ADAM22: variants seen among roughly 807,000 people sequenced by gnomAD.
ADAM22 encodes the protein ADAM metallopeptidase domain 22.
Under a neutral mutation model 144.6 loss-of-function variants are expected in ADAM22, and 65 were observed. That is an observed-to-expected ratio of 0.45 (90% CI 0.37 to 0.55). The LOEUF is 0.55. Among genes scored for constraint, ADAM22 ranks in the 20% least tolerant of loss-of-function variants. The pLI, the probability that ADAM22 is intolerant of heterozygous loss-of-function variation, is 0.00. For missense variants in ADAM22, 974 were observed against 1,184.9 expected, an observed-to-expected ratio of 0.82 and a Z score of 2.61; for synonymous variants, 391 against 412.6, an observed-to-expected ratio of 0.95 and a Z score of 0.63.
chr7:88,007,935 A>G (rs543059280), intron 3 of ADAM22, among the ~76,000 whole-genome samples: 2 of 152,348 alleles, frequency 1.3e-5, no homozygotes, highest in South Asian at 4.1e-4. Flanking sequence ...TGCACAGCAA[A>G]AGAAACTATC....
At chr7:88,130,588 C>T in intron 10 of ADAM22, 129 bp downstream of exon 10, 1 of 807,994 alleles carries the variant, frequency 1.2e-6, no homozygotes, top group Non-Finnish European at 1.9e-6. Context: ...CTAGTAAGTT[C>T]CGGGTGACCT....
chr7:88,196,588 G>T lies in ADAM22; in HGVS notation c.*97G>T. On this transcript the variant is annotated 3_prime_UTR_variant, in exon 32 of 32. Coordinates refer to ENST00000413139, the MANE Select transcript of ADAM22 (RefSeq NM_001324418.2). ...TCACTGCAAATCTATCTGCTCTTCA[G>T]ACAATACGAAGACCCTCTGAGATGC... 1 of 1,349,692 alleles carries T rather than the reference G, an allele frequency of 7.4e-7. No individual in the cohort carries two copies. The allele number at this position is 1,349,692 out of a possible 1,614,324, so 83.6% of individuals were successfully genotyped here.
intron 4 of ADAM22, among the ~76,000 whole-genome samples, chr7:88,079,274 T>C (rs1815714372): frequency 6.6e-6 from 1 of 152,080 alleles, no homozygotes; most frequent in South Asian, 2.1e-4. Flanking sequence ...AGAAATAAAA[T>C]ACTTTATAGA....
chr7:88,015,119 G>T (rs1360370972), intron 3 of ADAM22, among the ~76,000 whole-genome samples: 4 of 152,208 alleles, frequency 2.6e-5, no homozygotes, highest in Non-Finnish European at 5.9e-5. Flanking sequence ...AAAAGAAATG[G>T]ATTGTGGATA....
chr7:88,128,371 T>A (rs1424847976), intron 8 of ADAM22, among the ~76,000 whole-genome samples: 1 of 151,982 alleles, frequency 6.6e-6, no homozygotes, highest in Non-Finnish European at 1.5e-5. Flanking sequence ...AGGTGGAGAA[T>A]AGAGGTGAGA....
intron 4 of ADAM22, among the ~76,000 whole-genome samples, chr7:88,084,787 A>G (rs1817957730): frequency 6.6e-6 from 1 of 152,222 alleles, no homozygotes; most frequent in African/African-American, 2.4e-5. Context: ...TGCTAAAGCT[A>G]CCATAACAAA....
intron 4 of ADAM22, among the ~76,000 whole-genome samples, chr7:88,094,791 C>T (rs1346263628): frequency 6.6e-6 from 1 of 152,072 alleles, no homozygotes; most frequent in Non-Finnish European, 1.5e-5. Flanking sequence ...AAATAAACTT[C>T]TTGAATTGTG....
At chr7:87,965,644 A>AGCT (rs1417666451) in intron 2 of ADAM22, among the ~76,000 whole-genome samples, 1 of 152,200 alleles carries the variant, frequency 6.6e-6, no homozygotes, top group African/African-American at 2.4e-5. Context: ...CCCTTTAGTA[A>AGCT]AAGTGAGCCT....
intron 4 of ADAM22, among the ~76,000 whole-genome samples, chr7:88,085,757 A>G (rs1347895349): frequency 6.6e-6 from 1 of 152,196 alleles, no homozygotes; most frequent in Admixed American, 6.5e-5. Context: ...AGCCCTTTTC[A>G]TCCTCCTCTT....
chr7:88,108,817 T>C (rs10276334), intron 5 of ADAM22, among the ~76,000 whole-genome samples: 150,397 of 152,220 alleles, frequency 0.99, 74,308 homozygotes, highest in East Asian at 1. Context: ...AGAAAAAAGA[T>C]AAGCATACTT....
intron 20 of ADAM22, among the ~76,000 whole-genome samples, chr7:88,152,314 T>C (rs1223931546): frequency 6.6e-6 from 1 of 152,216 alleles, no homozygotes; most frequent in Non-Finnish European, 1.5e-5. Context: ...TTTGTCCTAA[T>C]TCTTAGATAA....
intron 14 of ADAM22, among the ~76,000 whole-genome samples, chr7:88,138,701 G>A (rs1259209421): frequency 6.6e-6 from 1 of 152,210 alleles, no homozygotes; most frequent in Non-Finnish European, 1.5e-5. Context: ...CAGAAGTTGT[G>A]GGGACAGAGG....
chr7:88,080,552 C>A (rs938761966), intron 4 of ADAM22, among the ~76,000 whole-genome samples: 37 of 151,994 alleles, frequency 2.4e-4, no homozygotes, highest in African/African-American at 8.5e-4. Flanking sequence ...ATCAATGAAT[C>A]CAGGAGCTGG....
chr7:87,937,689 G>A (rs749080165), intron 2 of ADAM22, among the ~76,000 whole-genome samples: 7 of 152,108 alleles, frequency 4.6e-5, no homozygotes, highest in Non-Finnish European at 8.8e-5. Context: ...GCTATTTTGG[G>A]TTCATAGAGC....
rs71120015 is a variant in ADAM22 at position 87,980,287 on chromosome 7, C to CTTTTTTTTTTTTTTTTTTTTTT, written c.323+1887_323+1888insTTTTTTTTTTTTTTTTTTTTTT. Among the ~76,000 whole-genome samples, 5 of 118,398 alleles carry CTTTTTTTTTTTTTTTTTTTTTT rather than the reference C, an allele frequency of 4.2e-5. 1 individual carries two copies. Among genetic ancestry groups the CTTTTTTTTTTTTTTTTTTTTTT allele is most frequent in the Non-Finnish European group, 4.9e-5 (3 of 60,960 alleles). 77.7% of individuals were successfully genotyped at this position (118,398 alleles called of 152,430 possible). On this transcript the variant is annotated intron_variant, in intron 3 of 31. Transcript: ENST00000413139. Reference sequence around the variant, plus strand: ...TGGGCTGAGAAACATGCACTGTGCTCTTTTTTTTTTTTGCCTGGGATCGAT... The same window carrying CTTTTTTTTTTTTTTTTTTTTTT: ...TGGGCTGAGAAACATGCACTGTGCTCTTTTTTTTTTTTTTTTTTTTTTTTTTTTTTTTTTGCCTGGGATCGAT...
At chr7:87,945,927 A>G (rs533917784) in intron 2 of ADAM22, among the ~76,000 whole-genome samples, 1 of 152,310 alleles carries the variant, frequency 6.6e-6, no homozygotes, top group African/African-American at 2.4e-5. Context: ...ATTGAATGGT[A>G]GTTCTGTTGT....
At chr7:88,175,743 G>A (rs574386797) in intron 26 of ADAM22, among the ~76,000 whole-genome samples, 13 of 152,184 alleles carry the variant, frequency 8.5e-5, no homozygotes, top group South Asian at 2.1e-4. Context: ...GAAGAAAGCC[G>A]TAAAGATAAT....
chr7:88,108,084 GGAGGTGCATTGT>G (rs1824922588), intron 4 of ADAM22, 80 bp from the exon 5 acceptor site: 1 of 857,616 alleles, frequency 1.2e-6, no homozygotes, highest in Admixed American at 2.3e-5. Flanking sequence ...TTCTAGATGT[GGAGGTGCATTGT>G]GAGTAGAAAC....
intron 23 of ADAM22, among the ~76,000 whole-genome samples, chr7:88,165,309 A>G (rs987724247): frequency 2.6e-5 from 4 of 152,230 alleles, no homozygotes; most frequent in East Asian, 3.9e-4. Context: ...CATAGCTAGT[A>G]TCTACAGCAT....
Sources: allele counts gnomAD v4.1 joint callset (sites outside exome capture counted in the v4.1 genomes callset), GRCh38; gene constraint gnomAD v4.1.1; transcripts MANE v1.5; gene names NCBI Gene and HGNC (gene_info 2026-07-23, HGNC 2026-07-21).